Variants in SNX25 observed in about 807,000 individuals in gnomAD.
SNX25 encodes sorting nexin 25.
SNX25 carries 62 observed loss-of-function variants against 113.7 expected under a neutral mutation model. The observed-to-expected ratio is 0.55, with a 90% CI of 0.44 to 0.67. The LOEUF (loss-of-function observed/expected upper bound fraction) is 0.67, where lower values mean the gene tolerates loss of function less well. SNX25 is among the 30% of genes least tolerant of loss of function. The probability of loss-of-function intolerance (pLI) is 0.00; values close to 1 mark genes in which losing one functional copy is unlikely to be tolerated. For missense variants in SNX25, 1,014 were observed against 1,161.0 expected (o/e 0.87, Z 1.84); for synonymous variants, 421 against 436.2 (o/e 0.97, Z 0.43).
Position 185,247,287 on chromosome 4 carries a change from A to G in SNX25, c.430-7A>G, listed in dbSNP as rs1228180525. On this transcript the variant is annotated splice_polypyrimidine_tract_variant and splice_region_variant and intron_variant, in intron 1 of 18. Transcript: ENST00000652585. ...ATCTGCTTTGTATTTTTTTCCTTTCATTTCAGAGTCCTGTGTATGGAAACT... is the reference window on the plus strand; with the variant it reads ...ATCTGCTTTGTATTTTTTTCCTTTCGTTTCAGAGTCCTGTGTATGGAAACT... The G allele has an allele frequency of 2.5e-6, 4 of 1,569,032 alleles. No individual in the cohort carries two copies. The highest frequency in any genetic ancestry group is 3.4e-6 in the Non-Finnish European group (4 of 1,162,796).
intron 5 of SNX25, among the ~76,000 whole-genome samples, chr4:185,286,454 C>G (rs1297987692): frequency 2.0e-5 from 3 of 152,074 alleles, no homozygotes; most frequent in Non-Finnish European, 4.4e-5. Flanking sequence ...TACTGTTGTG[C>G]CTTTATCCAG....
chr4:185,235,822 C>T (rs1271388992), intron 1 of SNX25, among the ~76,000 whole-genome samples: 1 of 152,222 alleles, frequency 6.6e-6, no homozygotes, highest in East Asian at 1.9e-4. Flanking sequence ...TTGCTTGAGC[C>T]CTGCGGAGAC....
At chr4:185,357,095 A>G (rs954765512) in intron 15 of SNX25, among the ~76,000 whole-genome samples, 18 of 152,094 alleles carry the variant, frequency 1.2e-4, no homozygotes, top group Non-Finnish European at 2.2e-4. Context: ...CCCTCCTGCT[A>G]TGGGGGTGGC....
At chr4:185,322,447 A>C (rs1423406691) in intron 8 of SNX25, among the ~76,000 whole-genome samples, 2 of 152,192 alleles carry the variant, frequency 1.3e-5, no homozygotes, top group African/African-American at 4.8e-5. Context: ...GTGGGGGGGA[A>C]GCACCAAGAG....
intron 3 of SNX25, among the ~76,000 whole-genome samples, chr4:185,262,375 A>G (rs939567327): frequency 9.2e-5 from 14 of 152,098 alleles, no homozygotes; most frequent in African/African-American, 2.9e-4. Context: ...CTTTTATACT[A>G]TTATTTCAAT....
downstream of SNX25, among the ~76,000 whole-genome samples, chr4:185,372,512 A>T (rs578045658): frequency 8.5e-5 from 13 of 152,248 alleles, no homozygotes; most frequent in Non-Finnish European, 1.9e-4. Flanking sequence ...AGGCATTCTT[A>T]TCAATACTTT....
chr4:185,262,443 GAA>G (rs1268316505), intron 3 of SNX25, among the ~76,000 whole-genome samples: 1 of 151,998 alleles, frequency 6.6e-6, no homozygotes, highest in Non-Finnish European at 1.5e-5. Context: ...CAGTTTGAGG[GAA>G]AAAAAGAATG....
chr4:185,331,380 A>G lies in SNX25; in HGVS notation c.1750-1215A>G, dbSNP rs553370190. Among the ~76,000 whole-genome samples, 48 of 152,290 alleles carry G rather than the reference A, an allele frequency of 3.2e-4. No homozygotes were observed. In the East Asian group the frequency reaches 8.7e-3, roughly 28 times the overall value. On this transcript the variant is annotated intron_variant, in intron 9 of 18. Transcript: ENST00000652585. ...ACTTTTGAAGATGATAATACCCTCA[A>G]TGCCCAGCATTGTACGTTATATGAA...
In SNX25 at chr4:185,277,894, G is replaced by A. The variant is rs1303904224; in HGVS notation, c.1092-10118G>A. Among the ~76,000 whole-genome samples the A allele has an allele frequency of 5.3e-5, 5 of 94,802 alleles. 2 individuals carry two copies. Among genetic ancestry groups the A allele is most frequent in the South Asian group, 4.7e-4 (1 of 2,118 alleles). The allele number at this position is 94,802 out of a possible 152,430, so 62.2% of individuals were successfully genotyped here. On this transcript the variant is annotated intron_variant, in intron 5 of 18. Transcript: ENST00000652585. ...ACTACAGGCGCCCGCCACTACGCCC[G>A]GCTAATTTTTTGTATTTTTAGTAGA...
chr4:185,221,788 TTG>T (rs1454964767), intron 1 of SNX25, among the ~76,000 whole-genome samples: 1 of 85,232 alleles, frequency 1.2e-5, no homozygotes, highest in African/African-American at 3.9e-5. Flanking sequence ...ACTTTATATA[TTG>T]TTCTCCTGCC....
downstream of SNX25, among the ~76,000 whole-genome samples, chr4:185,372,434 G>A (rs566366674): frequency 2.0e-5 from 3 of 152,346 alleles, no homozygotes; most frequent in East Asian, 5.8e-4. Flanking sequence ...CACATTTCAA[G>A]TGCTCAATAG....
chr4:185,298,417 C>A (rs1481195744), intron 6 of SNX25, among the ~76,000 whole-genome samples: 1 of 152,088 alleles, frequency 6.6e-6, no homozygotes, highest in Non-Finnish European at 1.5e-5. Context: ...GGCCTCCTAG[C>A]ATACATTTCT....
chr4:185,286,788 C>T (rs1328655541), intron 5 of SNX25, among the ~76,000 whole-genome samples: 1 of 152,206 alleles, frequency 6.6e-6, no homozygotes, highest in Non-Finnish European at 1.5e-5. Flanking sequence ...TGACAGCCTG[C>T]TCTGAGGTCC....
chr4:185,356,283 C>T (rs1449476870), intron 15 of SNX25, among the ~76,000 whole-genome samples: 1 of 152,030 alleles, frequency 6.6e-6, no homozygotes, highest in Admixed American at 6.6e-5. Context: ...CAAAAAGGGA[C>T]CAGTAATACC....
intron 7 of SNX25, among the ~76,000 whole-genome samples, chr4:185,316,789 C>T (rs2095078039): frequency 6.6e-6 from 1 of 152,196 alleles, no homozygotes; most frequent in South Asian, 2.1e-4. Context: ...GTTGGCCCAT[C>T]TTCCCTAGCC....
chr4:185,218,378 C>A (rs758336476), intron 1 of SNX25, among the ~76,000 whole-genome samples: 1 of 152,258 alleles, frequency 6.6e-6, no homozygotes, highest in Non-Finnish European at 1.5e-5. Flanking sequence ...AGCCACCACT[C>A]CTGGCCTGCT....
intron 1 of SNX25, among the ~76,000 whole-genome samples, chr4:185,234,178 C>T (rs984634784): frequency 6.6e-6 from 1 of 151,996 alleles, no homozygotes; most frequent in Admixed American, 6.6e-5. Context: ...TATTATTAAC[C>T]GACCTCAAAA....
chr4:185,357,027 C>A (rs1016920486), intron 15 of SNX25, among the ~76,000 whole-genome samples: 1 of 152,162 alleles, frequency 6.6e-6, no homozygotes, highest in Non-Finnish European at 1.5e-5. Context: ...AAGAAAGGCA[C>A]ATGTTAATAC....
intron 13 of SNX25, among the ~76,000 whole-genome samples, chr4:185,347,017 C>G (rs983226670): frequency 5.3e-5 from 8 of 152,152 alleles, no homozygotes; most frequent in Non-Finnish European, 1.0e-4. Flanking sequence ...ATAAATGGAA[C>G]CGTATAGTGT....
Sources: allele counts gnomAD v4.1 joint callset (sites outside exome capture counted in the v4.1 genomes callset), GRCh38; gene constraint gnomAD v4.1.1; transcripts MANE v1.5; gene names NCBI Gene and HGNC (gene_info 2026-07-23, HGNC 2026-07-21).